HERC2: variants seen among roughly 807,000 people sequenced by gnomAD.
HERC2 encodes E3 ubiquitin-protein ligase HERC2.
A neutral mutation model predicts 537.7 loss-of-function variants in HERC2; 102 were observed. The ratio of observed to expected loss-of-function variants is 0.19; its 90% confidence interval spans 0.16 to 0.22. The LOEUF is 0.22. Among genes scored for constraint, HERC2 ranks in the 10% least tolerant of loss-of-function variants. HERC2 has a pLI of 1.00. For synonymous variants in HERC2, 2,224 were observed against 2,466.2 expected (o/e 0.90, Z 2.91); for missense variants, 4,236 against 6,198.2 (o/e 0.68, Z 10.63).
rs1320962976 is a variant in HERC2, at chr15:28,152,806, A to G, written c.10771T>C (p.Cys3591Arg). Reference sequence around the variant, plus strand: ...GCCACATCCTCCAACTCGGTGACACAGAGCTCCAACAGCATATCTGCCACC... The same window carrying G: ...GCCACATCCTCCAACTCGGTGACACGGAGCTCCAACAGCATATCTGCCACC... ...PQVADMLLEL[C>R]VTELEDVATD... The change falls in exon 70 of 93, where the codon TGT becomes CGT. Residue 3591 changes from cysteine to arginine, a missense_variant. Cys to Arg is a radical substitution (Grantham distance 180). Around this residue, in one of 27 missense-constraint regions of HERC2, gnomAD observed 356 missense variants for 450.9 expected, o/e 0.79. Transcript: ENST00000261609. 3 of 1,560,294 alleles carry G rather than the reference A, an allele frequency of 1.9e-6. No individual in the cohort carries two copies. Among genetic ancestry groups the G allele is most frequent in the East Asian group, 2.4e-5 (1 of 41,530 alleles).
chr15:28,274,829 T>C, intron 6 of HERC2, 76 bp downstream of exon 6: 1 of 1,142,230 alleles, frequency 8.8e-7, no homozygotes, highest in Non-Finnish European at 1.3e-6. Flanking sequence ...GGGCACATGG[T>C]GGCTGAACCG....
rs113508270 is a variant in HERC2 at position 28,177,559 on chromosome 15, C to A, written c.9164-50G>T. On this transcript the variant is annotated intron_variant, in intron 59 of 92. Coordinates refer to ENST00000261609, the MANE Select transcript of HERC2 (RefSeq NM_004667.6). This position sits in a 1 kb window ranked among gnomAD's most constrained non-coding sequence, Gnocchi z 5.0. Reference sequence around the variant, plus strand: ...TTGCCAAAGGGCAGGGAACAGAAAGCCCACAGCATAGCTAGCTCCCTATTT... The same window carrying A: ...TTGCCAAAGGGCAGGGAACAGAAAGACCACAGCATAGCTAGCTCCCTATTT... The A allele has an allele frequency of 8.0e-4, 1,231 of 1,545,498 alleles. 12 individuals are homozygous for A. In the African/African-American group the frequency reaches 0.015, roughly 18 times the overall value.
In HERC2 at chr15:28,152,758, G is replaced by A; in HGVS notation, c.10819C>T (p.Leu3607Phe). ...TCCACCACCACAGGCTGAGAAGAGA[G>A]GCGGCCGCTCTGCGAGTCTGTGGCC... ...DVATDSQSGR[L>F]SSQPVVVESS... The change falls in exon 70 of 93, where the codon CTC becomes TTC. Residue 3607 changes from leucine (L) to phenylalanine (F), a missense_variant. Physicochemically the swap from Leu to Phe is conservative, Grantham distance 22. Transcript: ENST00000261609. The A allele has an allele frequency of 6.4e-7, 1 of 1,552,600 alleles. No homozygotes were observed.
intron 9 of HERC2, 102 bp from the exon 10 acceptor site, chr15:28,270,970 GACCC>G: frequency 7.5e-6 from 7 of 939,412 alleles, no homozygotes; most frequent in Non-Finnish European, 1.1e-5. Context: ...TGACTCATTT[GACCC>G]ATCAAATGAC....
In HERC2 at chr15:28,144,363, G is replaced by A. The variant is rs1179159629; in HGVS notation, c.11141-128C>T. 12 of 883,456 alleles carry A rather than the reference G, an allele frequency of 1.4e-5. 1 individual carries two copies. Among genetic ancestry groups the A allele is most frequent in the South Asian group, 1.2e-4 (7 of 59,320 alleles). 54.7% of individuals were successfully genotyped at this position (883,456 alleles called of 1,614,324 possible). The stretch of plus-strand genomic sequence containing the variant: ...AGAAGGCAACAGCTGGTGTGCCCAC[G>A]CATGCCACTGCGAGTCGGTGAGACT... On this transcript the variant is annotated intron_variant, in intron 72 of 92. Coordinates refer to ENST00000261609, the MANE Select transcript of HERC2 (RefSeq NM_004667.6).
chr15:28,306,317 T>C (rs1049179069), intron 2 of HERC2, among the ~76,000 whole-genome samples: 1 of 152,232 alleles, frequency 6.6e-6, no homozygotes, highest in Non-Finnish European at 1.5e-5. Flanking sequence ...TCAGCATGAA[T>C]TTAAATGATC....
At chr15:28,226,609 A>G (rs1901200609) in intron 35 of HERC2, among the ~76,000 whole-genome samples, 1 of 152,226 alleles carries the variant, frequency 6.6e-6, no homozygotes, top group South Asian at 2.1e-4. Context: ...CTAAAAATGG[A>G]CCAAAGATCT....
intron 69 of HERC2, among the ~76,000 whole-genome samples, chr15:28,154,881 C>T (rs1489997828): frequency 6.6e-6 from 1 of 151,702 alleles, no homozygotes; most frequent in Non-Finnish European, 1.5e-5. Flanking sequence ...TCATCATTTA[C>T]ATTAGGTATA....
intron 88 of HERC2, 152 bp from the exon 89 acceptor site, chr15:28,115,693 C>G: frequency 1.7e-6 from 1 of 600,154 alleles, no homozygotes; most frequent in Non-Finnish European, 3.0e-6. Flanking sequence ...GGCCCTTCCT[C>G]AAGACCGCCT....
chr15:28,186,411 A>AT (rs1314219259), intron 56 of HERC2, among the ~76,000 whole-genome samples, 166 bp downstream of exon 56: 1 of 152,142 alleles, frequency 6.6e-6, no homozygotes, highest in African/African-American at 2.4e-5. Context: ...TAAACACTTT[A>AT]TTTTTTAAAA....
chr15:28,224,750 CAT>C (rs1900933653), intron 35 of HERC2, among the ~76,000 whole-genome samples: 2 of 152,242 alleles, frequency 1.3e-5, no homozygotes, highest in South Asian at 4.1e-4. Flanking sequence ...CTGACCAGAC[CAT>C]ATGTTAGGCC....
chr15:28,195,385 T>C (rs561119970), intron 52 of HERC2, among the ~76,000 whole-genome samples: 113 of 151,734 alleles, frequency 7.4e-4, no homozygotes, highest in Non-Finnish European at 1.5e-4. Flanking sequence ...TGCTTGAACC[T>C]AGGAGGCGGA....
In HERC2 at chr15:28,265,826, G is replaced by A; in HGVS notation, c.1747C>T (p.Leu583=). 6.2e-7 allele frequency: 1 copy of A among 1,614,130 alleles called. No homozygotes were observed. ...TGCAGAGCAGACGTACCATGGCCCA[G>A]CCGGCCGTAGTTCCCGCGGCCCCAG... ...YTWGRGNYGR[L]GHGSSEDEAI... The change falls in exon 13 of 93, where the codon CTG becomes TTG. Residue 583 remains leucine (L), a synonymous_variant. Coordinates refer to ENST00000261609, the MANE Select transcript of HERC2 (RefSeq NM_004667.6). This position sits in a 1 kb window ranked among gnomAD's most constrained non-coding sequence, Gnocchi z 4.0.
intron 20 of HERC2, 66 bp from the exon 21 acceptor site, chr15:28,248,802 G>T: frequency 7.8e-7 from 1 of 1,288,432 alleles, no homozygotes; most frequent in Non-Finnish European, 1.1e-6. Context: ...AAATGGGATG[G>T]GGTAAATCAT....
chr15:28,215,094 G>A (rs1899748710), intron 39 of HERC2, among the ~76,000 whole-genome samples: 1 of 152,008 alleles, frequency 6.6e-6, no homozygotes, highest in East Asian at 1.9e-4. Context: ...GGCCAGGCTG[G>A]TCTCAAACTC....
chr15:28,243,209 A>T (rs535325847), intron 23 of HERC2, among the ~76,000 whole-genome samples: 2 of 152,334 alleles, frequency 1.3e-5, no homozygotes, highest in East Asian at 3.9e-4. Flanking sequence ...CAAAATGCCC[A>T]TGGAAAAAAA....
chr15:28,158,507 T>C (rs1188908670), intron 69 of HERC2, among the ~76,000 whole-genome samples: 1 of 152,242 alleles, frequency 6.6e-6, no homozygotes, highest in African/African-American at 2.4e-5. Context: ...TCTTTGTCTC[T>C]TTTGATCTTT....
At chr15:28,119,093 C>A (rs1162618617) in intron 86 of HERC2, among the ~76,000 whole-genome samples, 2 of 151,676 alleles carry the variant, frequency 1.3e-5, no homozygotes, top group East Asian at 3.9e-4. Flanking sequence ...CACAGTGAAA[C>A]CCTGTCACCA....
At chr15:28,117,466 C>T (rs1284244358) in intron 86 of HERC2, 1 of 645,148 alleles carries the variant, frequency 1.6e-6, no homozygotes, top group Non-Finnish European at 2.9e-6. Context: ...CAGCTGCGGC[C>T]CGGCAGCACC....
Sources: gnomAD v4.1 joint callset for allele counts (sites outside exome capture counted in the v4.1 genomes callset) on GRCh38, gnomAD v4.1.1 for gene constraint, gnomAD v4.1.1 regional missense constraint, Gnocchi (gnomAD v3.1) non-coding constraint, MANE v1.5 for transcripts, NCBI Gene and HGNC (gene_info 2026-07-23, HGNC 2026-07-21) for gene names.